Variants in RNF20 observed in about 807,000 individuals in gnomAD.
The protein encoded by RNF20 is ring finger protein 20, also known as E3 ubiquitin-protein ligase BRE1A.
RNF20 carries 84 observed loss-of-function variants against 126.2 expected under a neutral mutation model. That is an observed-to-expected ratio of 0.67 (90% CI 0.56 to 0.80). The LOEUF (loss-of-function observed/expected upper bound fraction) is 0.80, where lower values mean the gene tolerates loss of function less well. Ranked by LOEUF, RNF20 falls within the 30% of genes least tolerant of loss-of-function variation. RNF20 has a pLI of 0.00. For synonymous variants in RNF20, 400 were observed against 414.3 expected (o/e 0.97, Z 0.42); for missense variants, 869 against 1,188.2 (o/e 0.73, Z 3.95).
At position 101,546,862 on chromosome 9, in the gene RNF20, G is replaced by A. The variant is rs1252590700; in HGVS notation, c.790G>A (p.Val264Met). 1.2e-6 allele frequency: 2 copies of A among 1,614,154 alleles called. No individual in the cohort carries two copies. The highest frequency in any genetic ancestry group is 1.1e-5 in the South Asian group (1 of 91,084). Residue 264 changes from valine (V) to methionine (M), a missense_variant, in exon 7 of 20, where the codon GTG becomes ATG. By Grantham distance (21) the Val-to-Met change is conservative. Around this residue, in one of 8 missense-constraint regions of RNF20, gnomAD observed 103 missense variants for 94.3 expected, o/e 1.09. Transcript: ENST00000389120. ...QSKVETAESRVSVLESMIDDL... is the reference protein window; with the variant it reads ...QSKVETAESRMSVLESMIDDL... ...TAAAGTGGAGACAGCCGAATCACGA[G>A]TGTCTGTCCTGGAGTCCATGATTGA...
intron 5 of RNF20, among the ~76,000 whole-genome samples, chr9:101,541,261 A>G (rs1205630561): frequency 6.6e-6 from 1 of 152,088 alleles, no homozygotes; most frequent in African/African-American, 2.4e-5. Flanking sequence ...TGTAGAGAGG[A>G]AGTCTTGCTA....
chr9:101,553,602 G>A (rs993223100), intron 13 of RNF20, among the ~76,000 whole-genome samples: 4 of 150,084 alleles, frequency 2.7e-5, no homozygotes, highest in African/African-American at 9.8e-5. Context: ...TTTTTCTGGT[G>A]TGGTATCAGA....
At chr9:101,551,852 C>G in intron 11 of RNF20, 33 bp downstream of exon 11, 1 of 1,570,008 alleles carries the variant, frequency 6.4e-7, no homozygotes, top group South Asian at 1.2e-5. Context: ...CTGTAGTTTG[C>G]TCTTAATACC....
At chr9:101,544,916 T>C (rs1554712515) in intron 6 of RNF20, 31 bp downstream of exon 6, 4 of 1,334,360 alleles carry the variant, frequency 3.0e-6, no homozygotes, top group Non-Finnish European at 4.3e-6. Flanking sequence ...GATGGCTGTG[T>C]CTAGTGGGCT....
chr9:101,542,027 A>G (rs547741522), intron 5 of RNF20, among the ~76,000 whole-genome samples: 1 of 152,316 alleles, frequency 6.6e-6, no homozygotes, highest in Admixed American at 6.5e-5. Context: ...TAATATCTTA[A>G]TTTCCCTGCT....
At chr9:101,542,804 G>T (rs957511630) in intron 5 of RNF20, among the ~76,000 whole-genome samples, 4 of 152,204 alleles carry the variant, frequency 2.6e-5, no homozygotes, top group African/African-American at 9.6e-5. Flanking sequence ...TTAATGGCAT[G>T]CATTTTAAGG....
intron 16 of RNF20, 148 bp from the exon 17 acceptor site, chr9:101,560,653 G>C: frequency 1.8e-6 from 1 of 558,736 alleles, no homozygotes; most frequent in Non-Finnish European, 3.0e-6. Flanking sequence ...TCATAGTCTT[G>C]ATGTATTTTG....
intron 3 of RNF20, 26 bp downstream of exon 3, chr9:101,540,396 A>AT: frequency 6.2e-7 from 1 of 1,613,430 alleles, no homozygotes; most frequent in Non-Finnish European, 8.5e-7. Flanking sequence ...ATTTGTTCAG[A>AT]TTTTTATTTG....
chr9:101,537,126 T>G (rs1827197393), intron 2 of RNF20, among the ~76,000 whole-genome samples: 1 of 152,182 alleles, frequency 6.6e-6, no homozygotes, highest in Admixed American at 6.5e-5. Context: ...AATGGCAGTG[T>G]AAATGGAGCT....
chr9:101,545,419 A>G (rs1827332637), intron 6 of RNF20, among the ~76,000 whole-genome samples: 2 of 152,242 alleles, frequency 1.3e-5, no homozygotes, highest in Admixed American at 6.5e-5. Flanking sequence ...CTAGAATTTA[A>G]GCACTTTATG....
Position 101,547,452 on chromosome 9 carries a change from T to A in RNF20, c.1026T>A (p.Arg342=), listed in dbSNP as rs746476124. 1 of 1,614,142 alleles carries A rather than the reference T, an allele frequency of 6.2e-7. No individual in the cohort carries two copies. Among genetic ancestry groups the A allele is most frequent in the Non-Finnish European group, 8.5e-7 (1 of 1,179,992 alleles). The part of the protein sequence containing the change: ...LEENKELAQN[R]LCELEKLRQD... ...AGAACAAAGAGTTGGCTCAGAACCGTCTCTGTGAGCTGGAGAAACTTCGGC... is the reference window on the plus strand; with the variant it reads ...AGAACAAAGAGTTGGCTCAGAACCGACTCTGTGAGCTGGAGAAACTTCGGC... Residue 342 remains arginine, a synonymous_variant, in exon 9 of 20, where the codon CGT becomes CGA. Transcript: ENST00000389120.
In RNF20 at chr9:101,563,064, C is replaced by T. The variant is rs1827651041; in HGVS notation, c.*642C>T. The T allele has an allele frequency of 6.6e-6, 1 of 152,266 alleles. No homozygotes were observed. Among genetic ancestry groups the T allele is most frequent in the African/African-American group, 2.4e-5 (1 of 41,462 alleles). 9.4% of individuals were successfully genotyped at this position (152,266 alleles called of 1,614,324 possible). On this transcript the variant is annotated 3_prime_UTR_variant, in exon 20 of 20. Coordinates refer to ENST00000389120, the MANE Select transcript of RNF20 (RefSeq NM_019592.7). ...TTAAGTTTTGAATGCTCTACTACTT[C>T]AAGTCTTTAAATTTCTTGAGACTAG...
intron 10 of RNF20, 79 bp from the exon 11 acceptor site, chr9:101,551,605 T>A: frequency 9.1e-6 from 6 of 661,752 alleles, no homozygotes; most frequent in South Asian, 4.0e-5. Flanking sequence ...CTGGAAATTT[T>A]CAGAGTAATC....
At position 101,540,356 on chromosome 9, in the gene RNF20, C is replaced by T. The variant is rs1418234806; in HGVS notation, c.283C>T (p.Arg95Ter). 10 of 1,614,016 alleles carry T rather than the reference C, an allele frequency of 6.2e-6. No homozygotes were observed. The highest frequency in any genetic ancestry group is 3.3e-5 in the South Asian group (3 of 91,082). ...TDDASLLIVN[R>*]YWSQFDENIR... is the part of the protein sequence containing the mutation. ...TGATGCCTCACTATTGATTGTCAAC[C>T]GATACTGGAGTCAGGTAGCTAACTT... is the stretch of plus-strand genomic sequence containing the variant. The change falls in exon 3 of 20, where the codon CGA becomes TGA. Residue 95 changes from arginine to a stop codon, truncating the protein, a stop_gained. Coordinates refer to ENST00000389120, the MANE Select transcript of RNF20 (RefSeq NM_019592.7). LOFTEE classifies it high-confidence loss of function.
In RNF20 at chr9:101,554,754, A is replaced by G; in HGVS notation, c.2080A>G (p.Lys694Glu). Residue 694 changes from lysine (K) to glutamate (E), a missense_variant, in exon 15 of 20, where the codon AAA becomes GAA. Lys to Glu is a moderately conservative substitution (Grantham distance 56). Coordinates refer to ENST00000389120, the MANE Select transcript of RNF20 (RefSeq NM_019592.7). ...LEDKEKKENK[K>E]MADEDALRKI... ...AGATAAAGAGAAGAAAGAGAACAAG[A>G]AAATGGCTGATGAGGATGCCTTGAG... The G allele has an allele frequency of 6.2e-7, 1 of 1,608,340 alleles. No individual in the cohort carries two copies. Among genetic ancestry groups the G allele is most frequent in the Non-Finnish European group, 8.5e-7 (1 of 1,176,338 alleles).
At position 101,550,729 on chromosome 9, in the gene RNF20, C is replaced by A; in HGVS notation, c.1216C>A (p.Arg406=). ...LQLKAHLDEA[R]TLLHGTRGTH... is the part of the protein sequence containing the mutation. ...GTTGAAAGCACACTTGGATGAGGCT[C>A]GGACCCTGCTTCATGGCACCAGAGG... is the stretch of plus-strand genomic sequence containing the variant. The change falls in exon 10 of 20, where the codon CGG becomes AGG. Residue 406 remains arginine, a synonymous_variant. Coordinates refer to ENST00000389120, the MANE Select transcript of RNF20 (RefSeq NM_019592.7). The A allele has an allele frequency of 6.2e-7, 1 of 1,614,124 alleles. No individual in the cohort carries two copies. The highest frequency in any genetic ancestry group is 1.1e-5 in the South Asian group (1 of 91,084).
At chr9:101,560,031 G>A (rs1283472503) in intron 16 of RNF20, among the ~76,000 whole-genome samples, 1 of 152,164 alleles carries the variant, frequency 6.6e-6, no homozygotes, top group African/African-American at 2.4e-5. Context: ...AATGTTGGCT[G>A]TGGGATTGTC....
intron 18 of RNF20, 64 bp from the exon 19 acceptor site, chr9:101,561,845 AT>A: frequency 9.2e-7 from 1 of 1,082,826 alleles, no homozygotes; most frequent in Non-Finnish European, 1.4e-6. Context: ...ACTCAAGTCT[AT>A]TATTTTTCTC....
rs1435390094 is a variant in RNF20, at chr9:101,557,559, A to G, written c.2345A>G (p.Glu782Gly). The change falls in exon 16 of 20, where the codon GAG becomes GGG. Residue 782 changes from glutamate to glycine, a missense_variant. Around this residue, in one of 8 missense-constraint regions of RNF20, gnomAD observed 150 missense variants for 173.7 expected, o/e 0.86. Coordinates refer to ENST00000389120, the MANE Select transcript of RNF20 (RefSeq NM_019592.7). ...CATAAGTTGCTTAAAGAAGAGAAGGAGGAGCTGGCAGACCAGGTGTTGACT... is the reference window on the plus strand; with the variant it reads ...CATAAGTTGCTTAAAGAAGAGAAGGGGGAGCTGGCAGACCAGGTGTTGACT... Reference protein sequence around the residue: ...QIHKLLKEEKEELADQVLTLK... With the variant: ...QIHKLLKEEKGELADQVLTLK... 1 of 1,613,892 alleles carries G rather than the reference A, an allele frequency of 6.2e-7. No homozygotes were observed. The highest frequency in any genetic ancestry group is 2.2e-5 in the East Asian group (1 of 44,880).
Sources: gnomAD v4.1 joint callset for allele counts (sites outside exome capture counted in the v4.1 genomes callset) on GRCh38, gnomAD v4.1.1 for gene constraint, gnomAD v4.1.1 regional missense constraint, MANE v1.5 for transcripts, NCBI Gene and HGNC (gene_info 2026-07-23, HGNC 2026-07-21) for gene names.